The following SORCS1 variants were observed in gnomAD, a reference collection of about 807,000 sequenced individuals.
The protein encoded by SORCS1 is sortilin related VPS10 domain containing receptor 1.
A neutral mutation model predicts 146.1 loss-of-function variants in SORCS1; 60 were observed. That is an observed-to-expected ratio of 0.41 (90% confidence interval 0.33 to 0.51). The LOEUF (loss-of-function observed/expected upper bound fraction) is 0.51, where lower values mean the gene tolerates loss of function less well. SORCS1 is among the 20% of genes least tolerant of loss of function. The pLI is 0.21. For missense variants in SORCS1, 1,352 were observed against 1,487.6 expected, an observed-to-expected ratio of 0.91 and a Z score of 1.50; for synonymous variants, 637 against 584.0, an observed-to-expected ratio of 1.09 and a Z score of -1.31.
In SORCS1 at chr10:107,007,172, C is replaced by T. The variant is rs111259366; in HGVS notation, c.559-50592G>A. Reference sequence around the variant, plus strand: ...GGTTCATTGACTATGAAAGTGGTAACTGTGTGTGGTGATTAAAGACAGTCA... The same window carrying T: ...GGTTCATTGACTATGAAAGTGGTAATTGTGTGTGGTGATTAAAGACAGTCA... On this transcript the variant is annotated intron_variant, in intron 1 of 25. Coordinates refer to ENST00000263054, the MANE Select transcript of SORCS1 (RefSeq NM_052918.5). Among the ~76,000 whole-genome samples the T allele has an allele frequency of 9.0e-3, 1,376 of 152,302 alleles. 19 individuals are homozygous for T. The highest frequency in any genetic ancestry group is 0.031 in the African/African-American group (1,309 of 41,566).
chr10:107,132,270 GAATAGAC>G (rs1357963764), intron 1 of SORCS1, among the ~76,000 whole-genome samples: 6 of 144,610 alleles, frequency 4.1e-5, no homozygotes, highest in African/African-American at 1.6e-4. Context: ...CTTTAGCTAT[GAATAGAC>G]AATTTCACAT....
At chr10:106,756,911 C>G (rs1858687385) in intron 5 of SORCS1, among the ~76,000 whole-genome samples, 1 of 152,120 alleles carries the variant, frequency 6.6e-6, no homozygotes, top group Non-Finnish European at 1.5e-5. Flanking sequence ...TGTTTTACAC[C>G]CTGTTACATT....
chr10:106,660,590 T>C lies in SORCS1; in HGVS notation c.2303+7099A>G, dbSNP rs558823747. Among the ~76,000 whole-genome samples, 3 of 152,336 alleles carry C rather than the reference T, an allele frequency of 2.0e-5. No homozygotes were observed. The East Asian group carries it at 5.8e-4, about 29-fold the overall frequency. ...TGTGTGTATTTTTTCTTGGACCCAC[T>C]GTATATTTGTAAATAGATACCTAAC... On this transcript the variant is annotated intron_variant, in intron 17 of 25. Transcript: ENST00000263054.
rs970262127 is a variant in SORCS1 at position 106,728,400 on chromosome 10, C to T, written c.1024+1650G>A. Among the ~76,000 whole-genome samples the T allele has an allele frequency of 7.2e-5, 11 of 152,294 alleles. No homozygotes were observed. The South Asian group carries it at 2.3e-3, about 32-fold the overall frequency. ...ATGGAGACGTCACCACCAGAGCGAG[C>T]CCCCTGAGGAGGTGGGAAAGCTGCT... On this transcript the variant is annotated intron_variant, in intron 6 of 25. Coordinates refer to ENST00000263054, the MANE Select transcript of SORCS1 (RefSeq NM_052918.5).
chr10:106,791,189 C>T (rs749736338), intron 3 of SORCS1, among the ~76,000 whole-genome samples: 5 of 152,162 alleles, frequency 3.3e-5, no homozygotes, highest in African/African-American at 4.8e-5. Flanking sequence ...TAAAGCCGCA[C>T]TTCGAAGATT....
intron 3 of SORCS1, among the ~76,000 whole-genome samples, chr10:106,801,556 TCTCG>T (rs1358621143): frequency 7.3e-6 from 1 of 137,416 alleles, no homozygotes; most frequent in Non-Finnish European, 1.5e-5. Context: ...TGAGACGGAG[TCTCG>T]CTCTGTCTCC....
At chr10:106,821,103 A>G (rs1170423466) in intron 3 of SORCS1, among the ~76,000 whole-genome samples, 2 of 152,244 alleles carry the variant, frequency 1.3e-5, no homozygotes, top group Admixed American at 6.5e-5. Context: ...AAGAATGGTC[A>G]GCTTCCAAAA....
chr10:106,957,153 T>TG (rs1415388924), intron 1 of SORCS1, among the ~76,000 whole-genome samples: 62 of 75,886 alleles, frequency 8.2e-4, no homozygotes, highest in Admixed American at 2.4e-3. Flanking sequence ...TATTAGCATG[T>TG]GGTTTTTTTT....
intron 2 of SORCS1, among the ~76,000 whole-genome samples, chr10:106,857,822 A>C (rs952421098): frequency 6.6e-6 from 1 of 152,262 alleles, no homozygotes; most frequent in East Asian, 1.9e-4. Flanking sequence ...CCCACTGTCA[A>C]GAAAATATCT....
intron 17 of SORCS1, among the ~76,000 whole-genome samples, chr10:106,657,097 C>T (rs1850352509): frequency 6.6e-6 from 1 of 152,180 alleles, no homozygotes; most frequent in Admixed American, 6.5e-5. Flanking sequence ...CGCAATCCCA[C>T]TACTGGGCAT....
At chr10:106,657,941 A>T (rs1850431467) in intron 17 of SORCS1, among the ~76,000 whole-genome samples, 1 of 152,100 alleles carries the variant, frequency 6.6e-6, no homozygotes, top group South Asian at 2.1e-4. Flanking sequence ...CACATTTAGA[A>T]CGTTAATAAA....
At chr10:106,640,436 T>C (rs1016769416) in intron 18 of SORCS1, among the ~76,000 whole-genome samples, 3 of 152,252 alleles carry the variant, frequency 2.0e-5, no homozygotes, top group African/African-American at 7.2e-5. Context: ...GAGATACAGA[T>C]CAAAGTTTTA....
chr10:106,694,671 T>A (rs1397168083), intron 9 of SORCS1, among the ~76,000 whole-genome samples: 1 of 152,212 alleles, frequency 6.6e-6, no homozygotes, highest in African/African-American at 2.4e-5. Context: ...TGCTATATTA[T>A]CATAACCGTT....
At chr10:106,740,397 A>G (rs1857282248) in intron 5 of SORCS1, among the ~76,000 whole-genome samples, 1 of 152,190 alleles carries the variant, frequency 6.6e-6, no homozygotes. Context: ...GAATAAATAA[A>G]TAAATTTTTG....
intron 2 of SORCS1, among the ~76,000 whole-genome samples, chr10:106,906,242 A>G (rs1435060033): frequency 2.6e-5 from 4 of 152,084 alleles, no homozygotes; most frequent in African/African-American, 7.2e-5. Context: ...AGCCTCCCAA[A>G]TAGCTGGGAT....
intron 1 of SORCS1, among the ~76,000 whole-genome samples, chr10:107,026,492 G>A (rs764287855): frequency 9.9e-5 from 15 of 151,976 alleles, no homozygotes; most frequent in Non-Finnish European, 1.9e-4. Flanking sequence ...GGTGGTGGGC[G>A]CCTGTAGCCC....
intron 2 of SORCS1, among the ~76,000 whole-genome samples, chr10:106,839,633 A>G (rs1948934040): frequency 6.6e-6 from 1 of 152,214 alleles, no homozygotes; most frequent in South Asian, 2.1e-4. Context: ...CAGATGTTCA[A>G]TGTAGAGGAA....
At chr10:106,922,155 GA>G (rs1220183506) in intron 2 of SORCS1, among the ~76,000 whole-genome samples, 1 of 152,202 alleles carries the variant, frequency 6.6e-6, no homozygotes, top group Non-Finnish European at 1.5e-5. Context: ...GAATGAAAGG[GA>G]TAAGTTTCTT....
chr10:106,667,594 T>A, intron 17 of SORCS1, 95 bp downstream of exon 17: 1 of 809,198 alleles, frequency 1.2e-6, no homozygotes, highest in Non-Finnish European at 2.1e-6. Flanking sequence ...TAAGGAAATA[T>A]GCTTGGTCCT....
Sources: gnomAD v4.1 joint callset for allele counts (sites outside exome capture counted in the v4.1 genomes callset) on GRCh38, gnomAD v4.1.1 for gene constraint, MANE v1.5 for transcripts, NCBI Gene and HGNC (gene_info 2026-07-23, HGNC 2026-07-21) for gene names.